MYH14: variants seen among roughly 807,000 people sequenced by gnomAD.
MYH14 encodes the protein myosin heavy chain 14, also known as myosin-14.
Under a neutral mutation model 255.5 loss-of-function variants are expected in MYH14, and 123 were observed. The ratio of observed to expected loss-of-function variants is 0.48; its 90% CI spans 0.42 to 0.56. The LOEUF is 0.56. Among genes scored for constraint, MYH14 ranks in the 20% least tolerant of loss-of-function variants. MYH14 has a pLI of 0.00. For synonymous variants in MYH14, 1,095 were observed against 1,161.2 expected, an observed-to-expected ratio of 0.94 and a Z score of 1.16; for missense variants, 2,423 against 2,802.3, an observed-to-expected ratio of 0.86 and a Z score of 3.06.
At chr19:50,267,078 G>T in intron 23 of MYH14, 70 bp downstream of exon 23, 7 of 1,413,706 alleles carry the variant, frequency 5.0e-6, no homozygotes, top group Non-Finnish European at 5.7e-6. Flanking sequence ...GTGGAGCCAG[G>T]TGTGAGGGGC....
At position 50,272,623 on chromosome 19, in the gene MYH14, G is replaced by A; in HGVS notation, c.3359G>A (p.Gly1120Glu). The A allele has an allele frequency of 6.3e-7, 1 of 1,578,688 alleles. No homozygotes were observed. Among genetic ancestry groups the A allele is most frequent in the Non-Finnish European group, 8.6e-7 (1 of 1,163,348 alleles). Residue 1120 changes from glycine (G) to glutamate (E), a missense_variant, in exon 27 of 43, where the codon GGG (glycine) becomes GAG (glutamate). Transcript: ENST00000642316. ...GAGAAGCTGAAGCGGAGGCTGGATG[G>A]GGAGAGCTCAGAGCTGCAGGAGCAG... ...ELEKLKRRLD[G>E]ESSELQEQMV...
chr19:50,309,075 G>C lies in MYH14; in HGVS notation c.5858G>C (p.Arg1953Pro). The change falls in exon 42 of 43, where the codon CGG becomes CCG. Residue 1953 changes from arginine (R) to proline (P), a missense_variant. Arg to Pro is a moderately radical substitution (Grantham distance 103). Coordinates refer to ENST00000642316, the MANE Select transcript of MYH14 (RefSeq NM_001145809.2). Reference protein sequence around the residue: ...QLEEAEEEASRAQAGRRRLQR... With the variant: ...QLEEAEEEASPAQAGRRRLQR... The stretch of plus-strand genomic sequence containing the variant: ...GAGGAGGCCGAGGAGGAGGCATCCC[G>C]GGCTCAGGCCGGCCGCCGGAGGCTG... The C allele has an allele frequency of 6.2e-7, 1 of 1,613,850 alleles. No individual in the cohort carries two copies. Among genetic ancestry groups the C allele is most frequent in the Non-Finnish European group, 8.5e-7 (1 of 1,179,814 alleles).
intron 1 of MYH14, among the ~76,000 whole-genome samples, chr19:50,209,726 G>A (rs1368072712): frequency 1.3e-5 from 2 of 150,224 alleles, no homozygotes; most frequent in African/African-American, 4.9e-5. Flanking sequence ...GGAGCTTGCA[G>A]TGAGCCGAGA....
chr19:50,225,866 G>A (rs1250672358), intron 7 of MYH14, among the ~76,000 whole-genome samples, 189 bp downstream of exon 7: 2 of 118,016 alleles, frequency 1.7e-5, no homozygotes, highest in Non-Finnish European at 1.8e-5. Context: ...GGGGCTGGGG[G>A]CCTGGACTCT....
Position 50,210,421 on chromosome 19 carries a change from CA to C in MYH14, c.57del (p.Val20CysfsTer80). ...PGRKAPPRPG[P>X]VPEAAQPFLF... Reference sequence around the variant, plus strand: ...CGGAAGGCGCCCCCCAGGCCGGGCCCAGTGCCCGAGGCGGCCCAGCCGTTCC... The same window carrying C: ...CGGAAGGCGCCCCCCAGGCCGGGCCCGTGCCCGAGGCGGCCCAGCCGTTCC... On this transcript the variant is annotated frameshift_variant, in exon 2 of 43. Coordinates refer to ENST00000642316, the MANE Select transcript of MYH14 (RefSeq NM_001145809.2). LOFTEE classifies it high-confidence loss of function. 6.4e-7 allele frequency: 1 copy of C among 1,564,166 alleles called. No homozygotes were observed. The highest frequency in any genetic ancestry group is 8.6e-7 in the Non-Finnish European group (1 of 1,156,424).
rs1017569886 is a variant in MYH14 at position 50,276,991 on chromosome 19, G to A, written c.3825+90G>A. ...GAGGAGGTACCGCTGGCTGGTTCTA[G>A]GCTAGCTCATCTCCCTGGGCCCCTT... On this transcript the variant is annotated intron_variant, in intron 29 of 42. Transcript: ENST00000642316. The surrounding 1 kb of genome is among the most constrained non-coding windows in gnomAD (Gnocchi z 4.3). The A allele has an allele frequency of 1.0e-6, 1 of 981,450 alleles. No individual in the cohort carries two copies. 60.8% of individuals were successfully genotyped at this position (981,450 alleles called of 1,614,324 possible).
chr19:50,210,518 G>A lies in MYH14; in HGVS notation c.153G>A (p.Thr51=), dbSNP rs762667333. ...GCACCTCCCCGCAGGTGGAGTGGAC[G>A]GCCCGGCGTCTCGTGTGGGTGCCTT... ...GSGTSPQVEW[T]ARRLVWVPSE... Residue 51 remains threonine, a synonymous_variant, in exon 2 of 43, where the codon ACG becomes ACA. Transcript: ENST00000642316. 1.3e-6 allele frequency: 2 copies of A among 1,572,550 alleles called. No individual in the cohort carries two copies. The highest frequency in any genetic ancestry group is 1.9e-5 in the Admixed American group (1 of 53,644).
At position 50,280,482 on chromosome 19, in the gene MYH14, A is replaced by C; in HGVS notation, c.4290+99A>C. 1.2e-5 allele frequency: 16 copies of C among 1,289,832 alleles called. No homozygotes were observed. Among genetic ancestry groups the C allele is most frequent in the Non-Finnish European group, 1.7e-5 (16 of 957,232 alleles). The allele number at this position is 1,289,832 out of a possible 1,614,324, so 79.9% of individuals were successfully genotyped here. A position where few individuals can be genotyped will look rare whatever the true frequency, so the allele number is the denominator to read the frequency against. On this transcript the variant is annotated intron_variant, in intron 32 of 42. Transcript: ENST00000642316. This position sits in a 1 kb window ranked among gnomAD's most constrained non-coding sequence, Gnocchi z 4.8. ...GGATGGCCATGCTGCCCACCTTCTC[A>C]TAGGCCAGACCCATGGGTGCCTTTC...
intron 6 of MYH14, among the ~76,000 whole-genome samples, chr19:50,225,279 G>T (rs1425986480): frequency 6.6e-6 from 1 of 152,132 alleles, no homozygotes; most frequent in South Asian, 2.1e-4. Flanking sequence ...GTTTTGTGGC[G>T]TTTCTTCCTT....
intron 33 of MYH14, among the ~76,000 whole-genome samples, chr19:50,283,314 T>G (rs1363924445): frequency 2.6e-5 from 4 of 152,196 alleles, no homozygotes; most frequent in Non-Finnish European, 5.9e-5. Context: ...GAGACGAGGT[T>G]TCACCATTTT....
chr19:50,256,361 G>A (rs536671065), intron 17 of MYH14, among the ~76,000 whole-genome samples: 2 of 152,252 alleles, frequency 1.3e-5, no homozygotes, highest in East Asian at 1.9e-4. Flanking sequence ...ACCGCCAAGC[G>A]GCACTAGAGA....
chr19:50,237,883 G>A (rs2033730385), intron 10 of MYH14, among the ~76,000 whole-genome samples: 1 of 152,202 alleles, frequency 6.6e-6, no homozygotes, highest in Non-Finnish European at 1.5e-5. Flanking sequence ...AGAGGGTCAG[G>A]GAGGTGGGGT....
rs773533745 is a variant in MYH14 at position 50,260,635 on chromosome 19, G to A, written c.2355-11G>A. 2 of 1,608,338 alleles carry A rather than the reference G, an allele frequency of 1.2e-6. No individual in the cohort carries two copies. Among genetic ancestry groups the A allele is most frequent in the Admixed American group, 1.7e-5 (1 of 59,842 alleles). On this transcript the variant is annotated splice_polypyrimidine_tract_variant and intron_variant, in intron 19 of 42. Coordinates refer to ENST00000642316, the MANE Select transcript of MYH14 (RefSeq NM_001145809.2). ...AACTCTCTCCTCCCCACCCCTCCCT[G>A]CTCATTGCAGATACGAGATCCTGAC... is the stretch of plus-strand genomic sequence containing the variant.
At position 50,250,004 on chromosome 19, in the gene MYH14, T is replaced by C. The variant is rs933039364; in HGVS notation, c.1656+181T>C. ...GACCATAGGTGATTAGGGCCCAGAATGTGCCTGCCACAGGGCCCGGCTCAA... is the reference window on the plus strand; with the variant it reads ...GACCATAGGTGATTAGGGCCCAGAACGTGCCTGCCACAGGGCCCGGCTCAA... On this transcript the variant is annotated intron_variant, in intron 14 of 42. Coordinates refer to ENST00000642316, the MANE Select transcript of MYH14 (RefSeq NM_001145809.2). This position sits in a 1 kb window ranked among gnomAD's most constrained non-coding sequence, Gnocchi z 5.4. 6.6e-6 allele frequency among the ~76,000 whole-genome samples: 1 copy of C among 152,282 alleles called. No individual in the cohort carries two copies. The highest frequency in any genetic ancestry group is 2.1e-4 in the South Asian group (1 of 4,838).
chr19:50,245,949 TC>T (rs2034099445), intron 11 of MYH14, among the ~76,000 whole-genome samples: 15 of 56,852 alleles, frequency 2.6e-4, no homozygotes, highest in East Asian at 8.0e-4. Context: ...CCTCCCTCCC[TC>T]CCTCCCTCCC....
Position 50,250,740 on chromosome 19 carries a change from T to C in MYH14, c.1830+52T>C. On this transcript the variant is annotated intron_variant, in intron 15 of 42. Coordinates refer to ENST00000642316, the MANE Select transcript of MYH14 (RefSeq NM_001145809.2). This position sits in a 1 kb window ranked among gnomAD's most constrained non-coding sequence, Gnocchi z 5.4. ...ATGTGGGAGTGGGGATCAAGGGATC[T>C]CCACTGGCTACAGATGGGGGGAGGG... 3 of 1,538,102 alleles carry C rather than the reference T, an allele frequency of 2.0e-6. No homozygotes were observed. The highest frequency in any genetic ancestry group is 2.7e-6 in the Non-Finnish European group (3 of 1,123,790).
chr19:50,271,817 C>G (rs1276011099), intron 25 of MYH14, 32 bp from the exon 26 acceptor site: 1 of 1,611,608 alleles, frequency 6.2e-7, no homozygotes. Flanking sequence ...CCAACTCCTC[C>G]TGACTGCCCC....
intron 39 of MYH14, among the ~76,000 whole-genome samples, chr19:50,300,165 G>A (rs569670180): frequency 1.9e-4 from 29 of 152,206 alleles, no homozygotes; most frequent in African/African-American, 6.7e-4. Context: ...CTTCTGGAAG[G>A]GCAAAGTTCT....
Position 50,289,503 on chromosome 19 carries a change from CAG to C in MYH14, c.4822_4823del (p.Glu1608ThrfsTer4). 6.2e-7 allele frequency: 1 copy of C among 1,613,204 alleles called. No individual in the cohort carries two copies. The highest frequency in any genetic ancestry group is 1.1e-5 in the South Asian group (1 of 90,876). The stretch of plus-strand genomic sequence containing the variant: ...GCCAATGATCTGCGAGCACAGGTGA[CAG>C]AACTGGAGGATGAGCTGACAGCGGC... On this transcript the variant is annotated frameshift_variant, in exon 35 of 43. Coordinates refer to ENST00000642316, the MANE Select transcript of MYH14 (RefSeq NM_001145809.2). LOFTEE classifies it high-confidence loss of function.
Sources: gnomAD v4.1 joint callset for allele counts (sites outside exome capture counted in the v4.1 genomes callset) on GRCh38, gnomAD v4.1.1 for gene constraint, Gnocchi (gnomAD v3.1) non-coding constraint, MANE v1.5 for transcripts, NCBI Gene and HGNC (gene_info 2026-07-23, HGNC 2026-07-21) for gene names.